The following GIPR variants were observed in gnomAD, a reference collection of about 807,000 sequenced individuals.
GIPR encodes gastric inhibitory polypeptide receptor.
GIPR carries 74 observed loss-of-function variants against 62.2 expected under a neutral mutation model. The observed-to-expected ratio is 1.19, with a 90% CI of 0.99 to 1.44. The LOEUF (loss-of-function observed/expected upper bound fraction) is 1.44. Among genes scored for constraint, GIPR ranks in the 40% most tolerant of loss-of-function variants. The pLI is 0.00. For missense variants in GIPR, 664 were observed against 611.8 expected (o/e 1.09, Z -0.90); for synonymous variants, 256 against 262.2 (o/e 0.98, Z 0.23).
At chr19:45,674,382 A>T in intron 6 of GIPR, 1 of 662,048 alleles carries the variant, frequency 1.5e-6, no homozygotes, top group Non-Finnish European at 2.7e-6. Context: ...CCAAGGCAGG[A>T]GGATCGCTTG....
rs1193126346 is a variant in GIPR, at chr19:45,675,604, G to A, written c.633+778G>A. On this transcript the variant is annotated intron_variant, in intron 7 of 13. Transcript: ENST00000590918. ...AAAAAAAAAAAAAAAAAGCCATAGC[G>A]TGGCCCGGCAGTGGCTCATGCCTGT... is the stretch of plus-strand genomic sequence containing the variant. 3.5e-5 allele frequency among the ~76,000 whole-genome samples: 5 copies of A among 143,970 alleles called. No homozygotes were observed. In the East Asian group the frequency reaches 6.2e-4, roughly 18 times the overall value. 94.4% of individuals were successfully genotyped at this position (143,970 alleles called of 152,430 possible).
intron 7 of GIPR, chr19:45,675,098 CT>C (rs1287288232): frequency 2.0e-5 from 9 of 443,166 alleles, no homozygotes; most frequent in Admixed American, 4.0e-5. Context: ...CATCATTGAA[CT>C]TTTTCACCAA....
intron 3 of GIPR, among the ~76,000 whole-genome samples, chr19:45,670,992 G>A (rs753898398): frequency 2.6e-5 from 4 of 151,816 alleles, no homozygotes; most frequent in African/African-American, 4.8e-5. Flanking sequence ...GGTTTGGGAT[G>A]GAGACTGGGA....
chr19:45,681,511 C>G lies in GIPR; in HGVS notation c.1153-93C>G, dbSNP rs894836012. 5 of 1,138,290 alleles carry G rather than the reference C, an allele frequency of 4.4e-6. No homozygotes were observed. In the African/African-American group the frequency reaches 7.6e-5, roughly 17 times the overall value. The allele number at this position is 1,138,290 out of a possible 1,614,324, so 70.5% of individuals were successfully genotyped here. A position where few individuals can be genotyped will look rare whatever the true frequency, so the allele number is the denominator to read the frequency against. On this transcript the variant is annotated intron_variant, in intron 12 of 13. Coordinates refer to ENST00000590918, the MANE Select transcript of GIPR (RefSeq NM_000164.4). ...ATTCCGACTCTTAAAAACAAACAAA[C>G]AAACAAACAAACAAAAAACGGGGAG... is the stretch of plus-strand genomic sequence containing the variant.
intron 12 of GIPR, among the ~76,000 whole-genome samples, chr19:45,680,718 G>A (rs991008774): frequency 2.0e-5 from 3 of 149,412 alleles, no homozygotes; most frequent in African/African-American, 7.4e-5. Flanking sequence ...GTAATCCCAG[G>A]TACTTGGGAG....
rs1237491378 is a variant in GIPR, at chr19:45,683,386, A to T, written c.*1451A>T. On this transcript the variant is annotated 3_prime_UTR_variant, in exon 14 of 14. Transcript: ENST00000590918. Reference sequence around the variant, plus strand: ...TGCTGGCTGCGGAGTGAGGACGCATATCCCCACTGTCCTTAGATGGGTGGC... The same window carrying T: ...TGCTGGCTGCGGAGTGAGGACGCATTTCCCCACTGTCCTTAGATGGGTGGC... The T allele has an allele frequency of 7.1e-6, 1 of 141,680 alleles. No individual in the cohort carries two copies. Among genetic ancestry groups the T allele is most frequent in the Non-Finnish European group, 1.6e-5 (1 of 63,400 alleles). 8.8% of individuals were successfully genotyped at this position (141,680 alleles called of 1,614,324 possible).
chr19:45,671,086 C>T (rs1180465015), intron 3 of GIPR, among the ~76,000 whole-genome samples, 199 bp from the exon 4 acceptor site: 1 of 151,994 alleles, frequency 6.6e-6, no homozygotes, highest in Non-Finnish European at 1.5e-5. Context: ...AGGGGCGGAG[C>T]TTTGAGGCTG....
intron 5 of GIPR, 83 bp downstream of exon 5, chr19:45,673,037 G>A: frequency 4.9e-6 from 4 of 823,554 alleles, no homozygotes; most frequent in Non-Finnish European, 8.6e-6. Flanking sequence ...GAAACCCCTT[G>A]GACTGTTCAG....
intron 12 of GIPR, among the ~76,000 whole-genome samples, chr19:45,679,254 C>T (rs189526118): frequency 2.9e-4 from 44 of 152,038 alleles, no homozygotes; most frequent in East Asian, 2.7e-3. Context: ...CCGAGGCAGG[C>T]GGATCACCTG....
In GIPR at chr19:45,678,008, T is replaced by C. The variant is rs773079869; in HGVS notation, c.1013+14T>C. 1.2e-6 allele frequency: 2 copies of C among 1,613,084 alleles called. No homozygotes were observed. Among genetic ancestry groups the C allele is most frequent in the Non-Finnish European group, 1.7e-6 (2 of 1,179,986 alleles). Reference sequence around the variant, plus strand: ...TTACCGGCTGAGGTGAGGGCATGCGTTGGGGACCGAGGGGAAGGGGCCGGG... The same window carrying C: ...TTACCGGCTGAGGTGAGGGCATGCGCTGGGGACCGAGGGGAAGGGGCCGGG... On this transcript the variant is annotated intron_variant, in intron 11 of 13. Transcript: ENST00000590918.
chr19:45,676,988 T>A lies in GIPR; in HGVS notation c.673T>A (p.Tyr225Asn). 6.2e-7 allele frequency: 1 copy of A among 1,614,096 alleles called. No homozygotes were observed. ...CCGCACGGCCCAGATCGTGACCCAG[T>A]ACTGCGTGGGTGCCAACTACACGTG... ...ACRTAQIVTQ[Y>N]CVGANYTWLL... Residue 225 changes from tyrosine (Y) to asparagine (N), a missense_variant, in exon 8 of 14, where the codon TAC (tyrosine) becomes AAC (asparagine). Coordinates refer to ENST00000590918, the MANE Select transcript of GIPR (RefSeq NM_000164.4).
At position 45,677,035 on chromosome 19, in the gene GIPR, C is replaced by G. The variant is rs144328094; in HGVS notation, c.720C>G (p.Tyr240Ter). The change falls in exon 8 of 14, where the codon TAC (tyrosine) becomes TAG (stop). Residue 240 changes from tyrosine to a stop codon, truncating the protein, a stop_gained. Transcript: ENST00000590918. LOFTEE classifies it high-confidence loss of function. ...NYTWLLVEGV[Y>*]LHSLLVLVGG... ...CGTGGCTGCTGGTGGAGGGCGTCTA[C>G]CTGCACAGTCTCCTGGTGCTCGTGG... The G allele has an allele frequency of 1.9e-6, 3 of 1,614,024 alleles. No individual in the cohort carries two copies. Among genetic ancestry groups the G allele is most frequent in the Non-Finnish European group, 2.5e-6 (3 of 1,179,926 alleles).
intron 7 of GIPR, among the ~76,000 whole-genome samples, chr19:45,675,729 C>T (rs971148432): frequency 1.3e-5 from 2 of 151,244 alleles, no homozygotes; most frequent in South Asian, 2.1e-4. Flanking sequence ...TCTACAAAAA[C>T]ATACAAAAAT....
At chr19:45,670,812 G>T in intron 3 of GIPR, 78 bp downstream of exon 3, 1 of 854,232 alleles carries the variant, frequency 1.2e-6, no homozygotes. Context: ...TTGGGCTGAC[G>T]GGCGGGGAAG....
chr19:45,669,408 C>CT lies in GIPR; in HGVS notation c.-44-68dup, dbSNP rs573575205. 1,777 of 1,461,276 alleles carry CT rather than the reference C, an allele frequency of 1.2e-3. 2 individuals carry two copies. The highest frequency in any genetic ancestry group is 2.6e-3 in the South Asian group (217 of 82,064). 90.5% of individuals were successfully genotyped at this position (1,461,276 alleles called of 1,614,324 possible). A position where few individuals can be genotyped will look rare whatever the true frequency, so the allele number is the denominator to read the frequency against. The stretch of plus-strand genomic sequence containing the variant: ...GCCGTCTGCCCCTGTGTGTGAATCC[C>CT]TGAGGCGGGGTGACGCTGGGGTTGG... On this transcript the variant is annotated intron_variant, in intron 1 of 13. Transcript: ENST00000590918.
chr19:45,676,954 C>G lies in GIPR; in HGVS notation c.639C>G (p.Leu213=). 1 of 1,613,966 alleles carries G rather than the reference C, an allele frequency of 6.2e-7. No individual in the cohort carries two copies. Among genetic ancestry groups the G allele is most frequent in the Non-Finnish European group, 8.5e-7 (1 of 1,179,986 alleles). ...CCGGTCTGGCCCCTCCCTAGGCCCTCGCTGCCTGCCGCACGGCCCAGATCG... is the reference window on the plus strand; with the variant it reads ...CCGGTCTGGCCCCTCCCTAGGCCCTGGCTGCCTGCCGCACGGCCCAGATCG... ...DQALALWNQA[L]AACRTAQIVT... The change falls in exon 8 of 14, where the codon CTC becomes CTG. Residue 213 remains leucine, a synonymous_variant. Coordinates refer to ENST00000590918, the MANE Select transcript of GIPR (RefSeq NM_000164.4).
At chr19:45,676,426 A>ATTTTTTTTT (rs869190523) in intron 7 of GIPR, among the ~76,000 whole-genome samples, 4 of 73,690 alleles carry the variant, frequency 5.4e-5, no homozygotes, top group Admixed American at 2.0e-4. Flanking sequence ...AAAGAAGCTG[A>ATTTTTTTTT]TTTTTTTTTT....
rs777065585 is a variant in GIPR, at chr19:45,677,753, C to T, written c.898C>T (p.Arg300Trp). 85 of 1,612,626 alleles carry T rather than the reference C, an allele frequency of 5.3e-5. 1 individual carries two copies. The highest frequency in any genetic ancestry group is 1.6e-4 in the Middle Eastern group (1 of 6,082). Residue 300 changes from arginine (R) to tryptophan (W), a missense_variant, in exon 10 of 14, where the codon CGG (arginine) becomes TGG (tryptophan). Transcript: ENST00000590918. ...AGTCAAGGCCATTTGGTGGATTATA[C>T]GGACCCCCATCCTCATGACCATCTT... ...NEVKAIWWII[R>W]TPILMTILIN...
At chr19:45,679,110 C>T (rs979131538) in intron 12 of GIPR, among the ~76,000 whole-genome samples, 5 of 152,126 alleles carry the variant, frequency 3.3e-5, no homozygotes, top group Admixed American at 6.6e-5. Flanking sequence ...CTCCTCCAGG[C>T]TTATCACAGG....
Sources: allele counts gnomAD v4.1 joint callset (sites outside exome capture counted in the v4.1 genomes callset), GRCh38; gene constraint gnomAD v4.1.1; transcripts MANE v1.5; gene names NCBI Gene and HGNC (gene_info 2026-07-23, HGNC 2026-07-21).